The following MAGI1 variants were observed in gnomAD, a reference collection of about 807,000 sequenced individuals.
MAGI1 encodes membrane associated guanylate kinase, WW and PDZ domain containing 1, also known as membrane-associated guanylate kinase, WW and PDZ domain-containing protein 1.
A neutral mutation model predicts 139.9 loss-of-function variants in MAGI1; 58 were observed. The ratio of observed to expected loss-of-function variants is 0.41; its 90% CI spans 0.34 to 0.52. The LOEUF (loss-of-function observed/expected upper bound fraction) is 0.52, where lower values mean the gene tolerates loss of function less well. MAGI1 is among the 20% of genes least tolerant of loss of function. MAGI1 has a pLI of 0.12. For synonymous variants in MAGI1, 812 were observed against 737.9 expected (o/e 1.10, Z -1.63); for missense variants, 1,874 against 1,901.6 (o/e 0.99, Z 0.27).
chr3:65,917,142 C>T (rs2061946632), intron 1 of MAGI1, among the ~76,000 whole-genome samples: 1 of 152,164 alleles, frequency 6.6e-6, no homozygotes, highest in Non-Finnish European at 1.5e-5. Context: ...ATACCATTAA[C>T]TCTAAAGGAT....
chr3:65,783,426 T>A (rs554105473), intron 1 of MAGI1, among the ~76,000 whole-genome samples: 2 of 151,914 alleles, frequency 1.3e-5, no homozygotes, highest in South Asian at 2.1e-4. Flanking sequence ...GGTGGGAGGA[T>A]TGTTTGAGGC....
At chr3:66,016,562 C>T (rs977545823) in intron 1 of MAGI1, among the ~76,000 whole-genome samples, 1 of 152,152 alleles carries the variant, frequency 6.6e-6, no homozygotes. Flanking sequence ...GCAATATGTG[C>T]CCCAGCACCG....
chr3:65,573,546 T>C (rs79412772), intron 2 of MAGI1, among the ~76,000 whole-genome samples: 1 of 120,750 alleles, frequency 8.3e-6, no homozygotes, highest in Non-Finnish European at 1.7e-5. Flanking sequence ...GATTTAAAAA[T>C]AAAAAAAAAA....
intron 2 of MAGI1, among the ~76,000 whole-genome samples, chr3:65,548,293 G>A (rs2079597877): frequency 6.6e-6 from 1 of 152,110 alleles, no homozygotes; most frequent in Non-Finnish European, 1.5e-5. Flanking sequence ...TCCGCCCACA[G>A]ATGAAGCATC....
chr3:66,023,799 G>A (rs970553721), intron 1 of MAGI1, among the ~76,000 whole-genome samples: 1 of 152,208 alleles, frequency 6.6e-6, no homozygotes, highest in African/African-American at 2.4e-5. Flanking sequence ...TCAGGGCAGA[G>A]AATAGATTCT....
chr3:65,597,930 G>C (rs1293252360), intron 2 of MAGI1: 8 of 452,296 alleles, frequency 1.8e-5, no homozygotes, highest in African/African-American at 4.0e-5. Context: ...GGGGGTGGGG[G>C]GGGGGTGGGA....
chr3:65,627,227 A>G (rs1367049525), intron 1 of MAGI1, among the ~76,000 whole-genome samples: 2 of 152,220 alleles, frequency 1.3e-5, no homozygotes, highest in Non-Finnish European at 2.9e-5. Flanking sequence ...GCAACGGGCT[A>G]TACCATACAG....
chr3:66,006,306 G>A lies in MAGI1; in HGVS notation c.313+31690C>T, dbSNP rs754534214. 4.6e-5 allele frequency among the ~76,000 whole-genome samples: 7 copies of A among 152,178 alleles called. No individual in the cohort carries two copies. In the South Asian group the frequency reaches 1.2e-3, roughly 27 times the overall value. ...AACTATTACTGCCAGTATTGGATAC[G>A]ACAAAAAATGAAATCCCACCTTCTA... On this transcript the variant is annotated intron_variant, in intron 1 of 22. Transcript: ENST00000402939.
rs928574212 is a variant in MAGI1 at position 65,379,363 on chromosome 3, C to A, written c.2893G>T (p.Val965Leu). The A allele has an allele frequency of 1.9e-6, 3 of 1,612,836 alleles. No homozygotes were observed. The highest frequency in any genetic ancestry group is 2.2e-5 in the East Asian group (1 of 44,832). The change falls in exon 17 of 23, where the codon GTG becomes TTG. Residue 965 changes from valine (V) to leucine (L), a missense_variant. This residue lies in a region of MAGI1 where 482 missense variants were observed against 509.6 expected (regional missense o/e 0.95). Coordinates refer to ENST00000402939, the MANE Select transcript of MAGI1 (RefSeq NM_001033057.2). ...ATCTCCACGTCGTAGGGCTGCACCA[C>A]GGTGCTGACCACGCCGCTGCCCCCG... ...GGGGSGVVSTVVQPYDVEIRR... is the reference protein window; with the variant it reads ...GGGGSGVVSTLVQPYDVEIRR...
At chr3:65,489,229 CA>C (rs771693663) in intron 3 of MAGI1, among the ~76,000 whole-genome samples, 5 of 152,138 alleles carry the variant, frequency 3.3e-5, no homozygotes, top group Non-Finnish European at 5.9e-5. Context: ...CTATGTGCCA[CA>C]CAAGCCCTAG....
chr3:65,834,930 A>G (rs2042727001), intron 1 of MAGI1, among the ~76,000 whole-genome samples: 1 of 152,158 alleles, frequency 6.6e-6, no homozygotes, highest in African/African-American at 2.4e-5. Context: ...TGTTTGCATT[A>G]CACACCTTTT....
intron 1 of MAGI1, among the ~76,000 whole-genome samples, chr3:65,972,139 T>G (rs1194011444): frequency 3.3e-5 from 5 of 152,186 alleles, no homozygotes; most frequent in Admixed American, 3.3e-4. Context: ...AAAGCAGTTC[T>G]TATCTCTCAT....
chr3:65,843,472 G>A (rs962765476), intron 1 of MAGI1, among the ~76,000 whole-genome samples: 25 of 152,164 alleles, frequency 1.6e-4, no homozygotes, highest in African/African-American at 4.6e-4. Flanking sequence ...CTCAATGTTT[G>A]TTGTTTTAAG....
intron 1 of MAGI1, among the ~76,000 whole-genome samples, chr3:65,809,871 A>G (rs994490342): frequency 2.6e-5 from 4 of 152,042 alleles, no homozygotes; most frequent in African/African-American, 9.7e-5. Context: ...AAATTCACCT[A>G]GGCTCCTTTC....
intron 20 of MAGI1, among the ~76,000 whole-genome samples, chr3:65,364,156 CCT>C (rs1419682600): frequency 2.1e-5 from 3 of 144,622 alleles, no homozygotes; most frequent in South Asian, 2.3e-4. Context: ...CAGTGAGACC[CCT>C]GTCTCTTAAA....
At chr3:65,564,327 G>T (rs955742717) in intron 2 of MAGI1, among the ~76,000 whole-genome samples, 1 of 151,074 alleles carries the variant, frequency 6.6e-6, no homozygotes, top group African/African-American at 2.4e-5. Flanking sequence ...ACAATGTGCT[G>T]CATGAATGTC....
intron 1 of MAGI1, among the ~76,000 whole-genome samples, chr3:65,805,397 T>G (rs2040788785): frequency 6.6e-6 from 1 of 152,166 alleles, no homozygotes; most frequent in African/African-American, 2.4e-5. Flanking sequence ...AATACCATCT[T>G]ATGCCAGTCA....
intron 10 of MAGI1, among the ~76,000 whole-genome samples, chr3:65,436,549 A>T (rs1019062627): frequency 6.6e-6 from 1 of 152,218 alleles, no homozygotes; most frequent in Non-Finnish European, 1.5e-5. Flanking sequence ...AGAATAGGGA[A>T]TGAGAACTGA....
Position 65,397,793 on chromosome 3 carries a change from C to G in MAGI1, c.2199+3646G>C, listed in dbSNP as rs10212096. The stretch of plus-strand genomic sequence containing the variant: ...TACTTGCTTCCATGTTATATTTCTG[C>G]TTTATTAATGCTCATCACACTTTAA... On this transcript the variant is annotated intron_variant, in intron 13 of 22. Coordinates refer to ENST00000402939, the MANE Select transcript of MAGI1 (RefSeq NM_001033057.2). 9.5e-3 allele frequency among the ~76,000 whole-genome samples: 1,442 copies of G among 152,178 alleles called. 23 individuals carry two copies. Among genetic ancestry groups the G allele is most frequent in the African/African-American group, 0.033 (1,371 of 41,502 alleles).
Sources: allele counts gnomAD v4.1 joint callset (sites outside exome capture counted in the v4.1 genomes callset), GRCh38; gene constraint gnomAD v4.1.1; regional missense constraint gnomAD v4.1.1; transcripts MANE v1.5; gene names NCBI Gene and HGNC (gene_info 2026-07-23, HGNC 2026-07-21).